ARFIP1: variants seen among roughly 807,000 people sequenced by gnomAD.
ARFIP1 encodes arfaptin-1.
In ARFIP1, 24 loss-of-function variants were observed where a neutral mutation model predicts 42.5. That is an observed-to-expected ratio of 0.57 (90% CI 0.41 to 0.80). The LOEUF (loss-of-function observed/expected upper bound fraction) is 0.80. ARFIP1 is among the 30% of genes least tolerant of loss of function. The pLI, the probability that ARFIP1 is intolerant of heterozygous loss-of-function variation, is 0.00. For synonymous variants in ARFIP1, 141 were observed against 153.7 expected (o/e 0.92, Z 0.61); for missense variants, 354 against 434.0 (o/e 0.82, Z 1.64).
Position 152,822,296 on chromosome 4 carries a change from TAAA to T in ARFIP1, c.-9-7308_-9-7306del, listed in dbSNP as rs70949618. 3.1e-3 allele frequency among the ~76,000 whole-genome samples: 202 copies of T among 65,570 alleles called. 2 individuals carry two copies. Among genetic ancestry groups the T allele is most frequent in the East Asian group, 0.03 (67 of 2,266 alleles). 43.0% of individuals were successfully genotyped at this position (65,570 alleles called of 152,430 possible). A position where few individuals can be genotyped will look rare whatever the true frequency, so the allele number is the denominator to read the frequency against. ...AAACAGACTATAAAAGCAACAGCAG[TAAA>T]AAAAAAAAAAAAAAAAAAAAGACAA... is the stretch of plus-strand genomic sequence containing the variant. On this transcript the variant is annotated intron_variant, in intron 1 of 8. Transcript: ENST00000353617.
At chr4:152,895,103 A>G (rs1737198044) in intron 8 of ARFIP1, among the ~76,000 whole-genome samples, 1 of 152,222 alleles carries the variant, frequency 6.6e-6, no homozygotes, top group African/African-American at 2.4e-5. Context: ...AAAGTTTAAT[A>G]TCAGTGGGAA....
chr4:152,829,491 G>C (rs931755392), intron 1 of ARFIP1, 134 bp from the exon 2 acceptor site: 3 of 535,508 alleles, frequency 5.6e-6, no homozygotes, highest in Non-Finnish European at 9.8e-6. Flanking sequence ...TATGTATTCT[G>C]TTTATTATAC....
chr4:152,892,815 A>G (rs1736976539), intron 8 of ARFIP1, among the ~76,000 whole-genome samples: 1 of 152,222 alleles, frequency 6.6e-6, no homozygotes, highest in African/African-American at 2.4e-5. Context: ...TTTAACCTAA[A>G]CAATCCTTAT....
intron 5 of ARFIP1, among the ~76,000 whole-genome samples, chr4:152,879,239 G>A (rs778087602): frequency 8.6e-5 from 13 of 151,884 alleles, no homozygotes; most frequent in Non-Finnish European, 1.6e-4. Context: ...AAATGTGTTG[G>A]GAAGTAGAAA....
At chr4:152,801,538 G>T (rs1728420176) in intron 1 of ARFIP1, among the ~76,000 whole-genome samples, 1 of 152,066 alleles carries the variant, frequency 6.6e-6, no homozygotes, top group African/African-American at 2.4e-5. Context: ...CACCATATTT[G>T]CCTTATTCAT....
Position 152,826,684 on chromosome 4 carries a change from G to A in ARFIP1, c.-9-2941G>A, listed in dbSNP as rs189464198. Among the ~76,000 whole-genome samples, 239 of 152,240 alleles carry A rather than the reference G, an allele frequency of 1.6e-3. 4 individuals are homozygous for A. Among genetic ancestry groups the A allele is most frequent in the African/African-American group, 5.6e-3 (234 of 41,534 alleles). The stretch of plus-strand genomic sequence containing the variant: ...TGATCTAGTAATACTACTTCTGGGT[G>A]TATATCCAAAAGAATTGAAAGCAGG... On this transcript the variant is annotated intron_variant, in intron 1 of 8. Coordinates refer to ENST00000353617, the MANE Select transcript of ARFIP1 (RefSeq NM_001025595.3).
At chr4:152,804,143 C>T (rs182707700) in intron 1 of ARFIP1, among the ~76,000 whole-genome samples, 1 of 47,704 alleles carries the variant, frequency 2.1e-5, no homozygotes, top group Non-Finnish European at 3.9e-5. Flanking sequence ...TATAATATAA[C>T]ATGTATTATA....
intron 2 of ARFIP1, among the ~76,000 whole-genome samples, chr4:152,856,093 A>G (rs1225958801): frequency 6.6e-6 from 1 of 152,238 alleles, no homozygotes; most frequent in Non-Finnish European, 1.5e-5. Context: ...CTAAGAGGCC[A>G]TAGGTGACAA....
rs1733684284 is a variant in ARFIP1 at position 152,859,245 on chromosome 4, AGAG to A, written c.94-4360_94-4358del. 2.0e-5 allele frequency among the ~76,000 whole-genome samples: 3 copies of A among 152,130 alleles called. No homozygotes were observed. In the South Asian group the frequency reaches 6.2e-4, roughly 32 times the overall value. ...CCCAGCTGAATTTTTGTATTTTTTT[AGAG>A]TTGGGGTTTTGCCATGTTGCCTAGG... On this transcript the variant is annotated intron_variant, in intron 2 of 8. Coordinates refer to ENST00000353617, the MANE Select transcript of ARFIP1 (RefSeq NM_001025595.3).
chr4:152,902,339 G>A (rs544030288), intron 8 of ARFIP1, among the ~76,000 whole-genome samples: 12 of 152,158 alleles, frequency 7.9e-5, no homozygotes, highest in Non-Finnish European at 1.8e-4. Context: ...CGGTCTCTAC[G>A]GAAAATAAAA....
intron 1 of ARFIP1, among the ~76,000 whole-genome samples, chr4:152,782,199 T>C (rs1431731327): frequency 6.6e-6 from 1 of 150,996 alleles, no homozygotes; most frequent in African/African-American, 2.5e-5. Context: ...CAGTGTCTTG[T>C]TGAAGTTAGT....
intron 3 of ARFIP1, among the ~76,000 whole-genome samples, chr4:152,869,233 T>C (rs762073477): frequency 2.6e-5 from 4 of 152,186 alleles, no homozygotes; most frequent in Non-Finnish European, 2.9e-5. Flanking sequence ...GTCTTTCTTA[T>C]TAGGAAATTT....
chr4:152,858,185 G>A (rs182917716), intron 2 of ARFIP1, among the ~76,000 whole-genome samples: 4 of 152,106 alleles, frequency 2.6e-5, no homozygotes, highest in African/African-American at 9.7e-5. Context: ...CCAGCTACTC[G>A]GGAGGCTGAG....
At chr4:152,817,313 C>T (rs544858848) in intron 1 of ARFIP1, among the ~76,000 whole-genome samples, 23 of 152,176 alleles carry the variant, frequency 1.5e-4, no homozygotes, top group Admixed American at 2.6e-4. Flanking sequence ...AATGCAGTGA[C>T]AGGAAGGAAA....
chr4:152,842,330 G>GA (rs57030471), intron 2 of ARFIP1, among the ~76,000 whole-genome samples: 19,058 of 112,768 alleles, frequency 0.17, 1,296 homozygotes, highest in Middle Eastern at 0.25. Flanking sequence ...TCTTGCAACT[G>GA]AAAAAAAAAA....
At chr4:152,898,439 C>T (rs958002633) in intron 8 of ARFIP1, among the ~76,000 whole-genome samples, 4 of 151,966 alleles carry the variant, frequency 2.6e-5, no homozygotes, top group Non-Finnish European at 5.9e-5. Context: ...TAATAACATC[C>T]TGATTTTCTA....
chr4:152,780,772 C>T (rs1003926153), intron 1 of ARFIP1, among the ~76,000 whole-genome samples: 8 of 152,194 alleles, frequency 5.3e-5, no homozygotes. Context: ...CGATTGTCTT[C>T]TGCTCCGTTC....
chr4:152,836,316 G>A (rs1182312648), intron 2 of ARFIP1, among the ~76,000 whole-genome samples: 10 of 152,158 alleles, frequency 6.6e-5, no homozygotes. Context: ...TAACTGTGAA[G>A]TAATGGATAT....
intron 8 of ARFIP1, among the ~76,000 whole-genome samples, chr4:152,908,347 C>T (rs752986941): frequency 1.3e-5 from 2 of 152,096 alleles, no homozygotes; most frequent in Admixed American, 6.6e-5. Context: ...AATATTAGGC[C>T]GGGCACGGTG....
Sources: allele counts gnomAD v4.1 joint callset (sites outside exome capture counted in the v4.1 genomes callset), GRCh38; gene constraint gnomAD v4.1.1; transcripts MANE v1.5; gene names NCBI Gene and HGNC (gene_info 2026-07-23, HGNC 2026-07-21).